The following NR1D2 variants were observed in gnomAD, a reference collection of about 807,000 sequenced individuals.
NR1D2 encodes nuclear receptor subfamily 1 group D member 2.
A neutral mutation model predicts 52.2 loss-of-function variants in NR1D2; 25 were observed. The observed-to-expected ratio is 0.48, with a 90% CI of 0.35 to 0.67. The LOEUF (loss-of-function observed/expected upper bound fraction) is 0.67, where lower values mean the gene tolerates loss of function less well. Among genes scored for constraint, NR1D2 ranks in the 30% least tolerant of loss-of-function variants. The pLI is 0.01. For synonymous variants in NR1D2, 259 were observed against 230.1 expected (o/e 1.13, Z -1.14); for missense variants, 681 against 707.2 (o/e 0.96, Z 0.42).
intron 1 of NR1D2, among the ~76,000 whole-genome samples, chr3:23,953,718 C>T (rs916386006): frequency 1.3e-5 from 2 of 152,214 alleles, no homozygotes; most frequent in Admixed American, 6.5e-5. Context: ...TTTACCTTAT[C>T]TACCATTCTA....
At position 23,978,341 on chromosome 3, in the gene NR1D2, G is replaced by A. The variant is rs1706793975; in HGVS notation, c.*922G>A. 2 of 152,046 alleles carry A rather than the reference G, an allele frequency of 1.3e-5. No individual in the cohort carries two copies. Among genetic ancestry groups the A allele is most frequent in the African/African-American group, 4.8e-5 (2 of 41,394 alleles). 9.4% of individuals were successfully genotyped at this position (152,046 alleles called of 1,614,324 possible). On this transcript the variant is annotated 3_prime_UTR_variant, in exon 8 of 8. Coordinates refer to ENST00000312521, the MANE Select transcript of NR1D2 (RefSeq NM_005126.5). Reference sequence around the variant, plus strand: ...AAGAGGTGTCAAAAGACCCAAATTAGGTGCATTTTACTTGTTTATGATGGC... The same window carrying A: ...AAGAGGTGTCAAAAGACCCAAATTAAGTGCATTTTACTTGTTTATGATGGC...
At chr3:23,953,651 A>T (rs1193453498) in intron 1 of NR1D2, among the ~76,000 whole-genome samples, 1 of 152,166 alleles carries the variant, frequency 6.6e-6, no homozygotes, top group African/African-American at 2.4e-5. Context: ...TTCTGGGAAC[A>T]CCAAAACAGA....
At position 23,970,347 on chromosome 3, in the gene NR1D2, C is replaced by T. The variant is rs574179554; in HGVS notation, c.1543+2324C>T. Among the ~76,000 whole-genome samples, 25 of 152,140 alleles carry T rather than the reference C, an allele frequency of 1.6e-4. 1 individual carries two copies. The South Asian group carries it at 5.0e-3, about 30-fold the overall frequency. On this transcript the variant is annotated intron_variant, in intron 7 of 7. Transcript: ENST00000312521. ...AGAGGGAAACTCTGTATGCCAGGAACGAACCTTGTTATTTCAGGATAGGAA... is the reference window on the plus strand; with the variant it reads ...AGAGGGAAACTCTGTATGCCAGGAATGAACCTTGTTATTTCAGGATAGGAA...
intron 2 of NR1D2, among the ~76,000 whole-genome samples, chr3:23,955,565 C>G (rs1388113279): frequency 6.6e-6 from 1 of 152,078 alleles, no homozygotes; most frequent in African/African-American, 2.4e-5. Context: ...GTGGCTCACA[C>G]CTGTAATCCC....
chr3:23,970,089 A>C (rs1265529268), intron 7 of NR1D2, among the ~76,000 whole-genome samples: 6 of 152,214 alleles, frequency 3.9e-5, no homozygotes, highest in Non-Finnish European at 5.9e-5. Flanking sequence ...GTACCTTCTT[A>C]AGTAGGAGAG....
chr3:23,962,380 C>A lies in NR1D2; in HGVS notation c.921C>A (p.Ser307Arg), dbSNP rs1383656999. ...NHDHCGNGLS[S>R]HFPCSESQQH... ...ATCATTGCGGCAATGGGCTTAGCAG[C>A]CATTTTCCCTGTAGTGAGAGCCAGC... Residue 307 changes from serine (S) to arginine (R), a missense_variant, in exon 5 of 8, where the codon AGC (serine) becomes AGA (arginine). Physicochemically the swap from Ser to Arg is moderately radical, Grantham distance 110. Around this residue, in one of 3 missense-constraint regions of NR1D2, gnomAD observed 475 missense variants for 454.5 expected, o/e 1.05. Coordinates refer to ENST00000312521, the MANE Select transcript of NR1D2 (RefSeq NM_005126.5). The A allele has an allele frequency of 1.2e-6, 2 of 1,614,122 alleles. No individual in the cohort carries two copies. Among genetic ancestry groups the A allele is most frequent in the South Asian group, 2.2e-5 (2 of 91,068 alleles).
chr3:23,955,426 G>T (rs1575148765), intron 2 of NR1D2, among the ~76,000 whole-genome samples: 1 of 152,022 alleles, frequency 6.6e-6, no homozygotes, highest in Non-Finnish European at 1.5e-5. Context: ...CTGCTGACAG[G>T]TCTGGAAAAA....
intron 7 of NR1D2, among the ~76,000 whole-genome samples, chr3:23,976,762 G>A (rs1333671326): frequency 2.0e-5 from 3 of 152,168 alleles, no homozygotes; most frequent in Non-Finnish European, 4.4e-5. Context: ...GTAGGAGGAG[G>A]TTGCGCAAGG....
rs1706848014 is a variant in NR1D2, at chr3:23,980,509, T to G, written c.*3090T>G. The G allele has an allele frequency of 6.6e-6, 1 of 152,178 alleles. No individual in the cohort carries two copies. The highest frequency in any genetic ancestry group is 1.5e-5 in the Non-Finnish European group (1 of 68,020). The allele number at this position is 152,178 out of a possible 1,614,324, so 9.4% of individuals were successfully genotyped here. A position where few individuals can be genotyped will look rare whatever the true frequency, so the allele number is the denominator to read the frequency against. On this transcript the variant is annotated 3_prime_UTR_variant, in exon 8 of 8. Transcript: ENST00000312521. ...AATACATTGTTGATGGGATATGAGT[T>G]AAGTTTATTTTCTACAAACTGTAAT... is the stretch of plus-strand genomic sequence containing the variant.
Position 23,954,912 on chromosome 3 carries a change from C to G in NR1D2, c.283+109C>G, listed in dbSNP as rs539510617. 5 of 949,790 alleles carry G rather than the reference C, an allele frequency of 5.3e-6. No homozygotes were observed. In the South Asian group the frequency reaches 7.7e-5, roughly 15 times the overall value. The allele number at this position is 949,790 out of a possible 1,614,324, so 58.8% of individuals were successfully genotyped here. A position where few individuals can be genotyped will look rare whatever the true frequency, so the allele number is the denominator to read the frequency against. On this transcript the variant is annotated intron_variant, in intron 2 of 7. Coordinates refer to ENST00000312521, the MANE Select transcript of NR1D2 (RefSeq NM_005126.5). The stretch of plus-strand genomic sequence containing the variant: ...TATGTTTCTGGGTACAGTTTTCACT[C>G]CTTGCTGGGTAATCATACATCAGTA...
chr3:23,945,570 G>T lies in NR1D2; in HGVS notation c.-9G>T. ...AGCGGGCGGCCCCGGCCGCCTCCGC[G>T]AGGGCACCATGGAGGTGAATGCAGG... On this transcript the variant is annotated 5_prime_UTR_variant, in exon 1 of 8. Coordinates refer to ENST00000312521, the MANE Select transcript of NR1D2 (RefSeq NM_005126.5). 5 of 1,168,638 alleles carry T rather than the reference G, an allele frequency of 4.3e-6. No individual in the cohort carries two copies. The highest frequency in any genetic ancestry group is 5.3e-6 in the Non-Finnish European group (5 of 940,096). 72.4% of individuals were successfully genotyped at this position (1,168,638 alleles called of 1,614,324 possible). A position where few individuals can be genotyped will look rare whatever the true frequency, so the allele number is the denominator to read the frequency against.
intron 6 of NR1D2, among the ~76,000 whole-genome samples, chr3:23,967,531 G>A (rs1293328261): frequency 2.6e-5 from 4 of 152,098 alleles, no homozygotes; most frequent in Admixed American, 1.3e-4. Flanking sequence ...CAGGAGAAAT[G>A]CTTGAACCCG....
At chr3:23,952,742 T>A (rs79090298) in intron 1 of NR1D2, among the ~76,000 whole-genome samples, 1 of 142,818 alleles carries the variant, frequency 7.0e-6, no homozygotes, top group Admixed American at 6.9e-5. Flanking sequence ...AAAAAAAAAA[T>A]CGTGTCTGAT....
chr3:23,952,537 C>G (rs1445989152), intron 1 of NR1D2, among the ~76,000 whole-genome samples: 1 of 151,646 alleles, frequency 6.6e-6, no homozygotes, highest in African/African-American at 2.4e-5. Context: ...TGGTGAAACC[C>G]TGTCTCTACT....
chr3:23,946,007 C>A, intron 1 of NR1D2: 1 of 686,046 alleles, frequency 1.5e-6, no homozygotes, highest in Non-Finnish European at 1.8e-6. Flanking sequence ...TTCCCCGGGG[C>A]CGCAGGGACA....
chr3:23,975,147 A>G (rs1416083618), intron 7 of NR1D2, among the ~76,000 whole-genome samples: 3 of 147,564 alleles, frequency 2.0e-5, no homozygotes, highest in African/African-American at 7.6e-5. Context: ...TTGAGACAGC[A>G]TCTCGCTCTG....
chr3:23,950,280 AT>A (rs1367220704), intron 1 of NR1D2, among the ~76,000 whole-genome samples: 1 of 152,222 alleles, frequency 6.6e-6, no homozygotes, highest in African/African-American at 2.4e-5. Flanking sequence ...TTCTCACCAA[AT>A]AAGTTTGTAC....
chr3:23,953,384 G>A (rs6781957), intron 1 of NR1D2, among the ~76,000 whole-genome samples: 1 of 145,234 alleles, frequency 6.9e-6, no homozygotes, highest in Non-Finnish European at 1.5e-5. Context: ...CCAGTTTTCA[G>A]AAGGGTTGTG....
Position 23,954,690 on chromosome 3 carries a change from A to G in NR1D2, c.170A>G (p.Asn57Ser). Residue 57 changes from asparagine (N) to serine (S), a missense_variant, in exon 2 of 8, where the codon AAT (asparagine) becomes AGT (serine). By Grantham distance (46) the Asn-to-Ser change is conservative (BLOSUM62 1). Transcript: ENST00000312521. ...SNSDTNGNPK[N>S]GDLANIEGIL... ...TCTGATACCAATGGTAATCCCAAGA[A>G]TGGTGATCTCGCCAATATTGAAGGC... 6.2e-7 allele frequency: 1 copy of G among 1,614,146 alleles called. No individual in the cohort carries two copies. The highest frequency in any genetic ancestry group is 8.5e-7 in the Non-Finnish European group (1 of 1,179,978).
Sources: allele counts gnomAD v4.1 joint callset (sites outside exome capture counted in the v4.1 genomes callset), GRCh38; gene constraint gnomAD v4.1.1; regional missense constraint gnomAD v4.1.1; transcripts MANE v1.5; gene names NCBI Gene and HGNC (gene_info 2026-07-23, HGNC 2026-07-21).